CACNA1I: variants seen among roughly 807,000 people sequenced by gnomAD.
CACNA1I encodes the protein calcium voltage-gated channel subunit alpha1 I.
Under a neutral mutation model 201.6 loss-of-function variants are expected in CACNA1I, and 74 were observed. That is an observed-to-expected ratio of 0.37 (90% CI 0.30 to 0.45). The LOEUF is 0.45. Among genes scored for constraint, CACNA1I ranks in the 20% least tolerant of loss-of-function variants. The pLI is 1.00. For synonymous variants in CACNA1I, 1,431 were observed against 1,345.2 expected (o/e 1.06, Z -1.40); for missense variants, 2,346 against 3,138.1 (o/e 0.75, Z 6.03).
intron 1 of CACNA1I, among the ~76,000 whole-genome samples, chr22:39,592,801 G>T (rs1413459504): frequency 1.3e-5 from 2 of 152,220 alleles, no homozygotes; most frequent in Non-Finnish European, 2.9e-5. Flanking sequence ...ACTCATGGTG[G>T]AAGCATGAGG....
Position 39,629,271 on chromosome 22 carries a change from G to A in CACNA1I, c.581-5294G>A, listed in dbSNP as rs888976819. On this transcript the variant is annotated intron_variant, in intron 4 of 36. Transcript: ENST00000402142. This position sits in a 1 kb window ranked among gnomAD's most constrained non-coding sequence, Gnocchi z 4.8. Reference sequence around the variant, plus strand: ...TCCAGACCCCAAGATCTGGCAAAGCGACTCCATGGGGATGTACCCCGGCCA... The same window carrying A: ...TCCAGACCCCAAGATCTGGCAAAGCAACTCCATGGGGATGTACCCCGGCCA... Among the ~76,000 whole-genome samples, 10 of 152,064 alleles carry A rather than the reference G, an allele frequency of 6.6e-5. No homozygotes were observed. The highest frequency in any genetic ancestry group is 2.1e-4 in the South Asian group (1 of 4,832).
At chr22:39,628,617 C>A (rs755709660) in intron 4 of CACNA1I, among the ~76,000 whole-genome samples, 21 of 152,252 alleles carry the variant, frequency 1.4e-4, no homozygotes, top group Middle Eastern at 3.4e-3. Context: ...ACAGGCCCCT[C>A]CCTGGCTGGG....
chr22:39,577,416 A>C (rs2145800218), intron 1 of CACNA1I, among the ~76,000 whole-genome samples: 1 of 152,290 alleles, frequency 6.6e-6, no homozygotes, highest in Middle Eastern at 3.4e-3. Flanking sequence ...CACTGGTTTC[A>C]TCTGGCACTG....
At chr22:39,599,734 A>C in intron 2 of CACNA1I, among the ~76,000 whole-genome samples, 1 of 151,610 alleles carries the variant, frequency 6.6e-6, no homozygotes, top group East Asian at 1.9e-4. Context: ...GCTCCTCAGC[A>C]GCCCCGGGCC....
intron 10 of CACNA1I, among the ~76,000 whole-genome samples, chr22:39,651,614 G>A (rs1934650976): frequency 6.6e-6 from 1 of 152,166 alleles, no homozygotes; most frequent in Non-Finnish European, 1.5e-5. Context: ...GTGCTGTGGG[G>A]CTCGCTCCAG....
chr22:39,643,792 G>T (rs761925165), intron 7 of CACNA1I, among the ~76,000 whole-genome samples: 14 of 152,220 alleles, frequency 9.2e-5, no homozygotes, highest in Non-Finnish European at 1.2e-4. Context: ...AAAAGGAGAG[G>T]GGCCAGATTT....
At chr22:39,643,773 G>A (rs2146422760) in intron 7 of CACNA1I, among the ~76,000 whole-genome samples, 1 of 152,344 alleles carries the variant, frequency 6.6e-6, no homozygotes, top group Non-Finnish European at 1.5e-5. Context: ...TATAGAAGAT[G>A]CCCCAGGTAA....
intron 20 of CACNA1I, 48 bp from the exon 21 acceptor site, chr22:39,664,691 G>C (rs1342997930): frequency 1.2e-3 from 548 of 465,366 alleles, no homozygotes; most frequent in Admixed American, 6.6e-3. Flanking sequence ...CCGCCCACCT[G>C]CCCGCCCCTC....
At chr22:39,681,111 C>G in intron 34 of CACNA1I, 59 bp downstream of exon 34, 1 of 1,544,684 alleles carries the variant, frequency 6.5e-7, no homozygotes, top group Non-Finnish European at 8.7e-7. Flanking sequence ...TGGCCCCTGC[C>G]CACCCAGGCA....
chr22:39,661,968 A>G lies in CACNA1I; in HGVS notation c.2905A>G (p.Ser969Gly), dbSNP rs1935026118. The G allele has an allele frequency of 2.0e-6, 3 of 1,526,324 alleles. No individual in the cohort carries two copies. In the African/African-American group the frequency reaches 4.3e-5, roughly 22 times the overall value. The allele number at this position is 1,526,324 out of a possible 1,614,324, so 94.5% of individuals were successfully genotyped here. Residue 969 changes from serine (S) to glycine (G), a missense_variant, in exon 17 of 37, where the codon AGC (serine) becomes GGC (glycine). Around this residue, in one of 13 missense-constraint regions of CACNA1I, gnomAD observed 288 missense variants for 255.2 expected, o/e 1.13. Coordinates refer to ENST00000402142, the MANE Select transcript of CACNA1I (RefSeq NM_021096.4). ...CCCGAACGGGAACTCCTTCCAGTCC[A>G]GCTCCCGGAGCTCCTACTACGGGCC... ...RMSYDQRSLSSSRSSYYGPWG... is the reference protein window; with the variant it reads ...RMSYDQRSLSGSRSSYYGPWG...
chr22:39,581,920 C>T (rs377084101), intron 1 of CACNA1I, among the ~76,000 whole-genome samples: 2 of 152,166 alleles, frequency 1.3e-5, no homozygotes, highest in Admixed American at 1.3e-4. Context: ...ATCCTGACAC[C>T]GGTGCTTATC....
chr22:39,615,296 G>T (rs564877015), intron 3 of CACNA1I, among the ~76,000 whole-genome samples: 5 of 152,304 alleles, frequency 3.3e-5, no homozygotes, highest in African/African-American at 1.2e-4. Context: ...ACCCTTGAAG[G>T]TCTCTTTGTT....
At chr22:39,635,130 A>G (rs910283766) in intron 5 of CACNA1I, among the ~76,000 whole-genome samples, 3 of 152,000 alleles carry the variant, frequency 2.0e-5, no homozygotes, top group African/African-American at 7.2e-5. Flanking sequence ...CACCTATAGA[A>G]CCCGTGCTTC....
At chr22:39,668,494 C>T (rs1935263799) in intron 24 of CACNA1I, 113 bp downstream of exon 24, 1 of 682,726 alleles carries the variant, frequency 1.5e-6, no homozygotes, top group South Asian at 1.7e-5. Flanking sequence ...GCCCCAGTGT[C>T]TCCCCACTGT....
In CACNA1I at chr22:39,662,080, T is replaced by C. The variant is rs1935031048; in HGVS notation, c.3017T>C (p.Leu1006Pro). 2 of 1,539,656 alleles carry C rather than the reference T, an allele frequency of 1.3e-6. No homozygotes were observed. The highest frequency in any genetic ancestry group is 1.7e-6 in the Non-Finnish European group (2 of 1,147,576). ...HKPPSAEHES[L>P]LSAERGGGAR... ...CCGCCGTCGGCGGAGCATGAGTCCC[T>C]GCTCTCTGCGGAGCGCGGCGGCGGC... Residue 1006 changes from leucine (L) to proline (P), a missense_variant, in exon 17 of 37, where the codon CTG becomes CCG. Transcript: ENST00000402142.
rs1309189776 is a variant in CACNA1I, at chr22:39,665,346, G to T, written c.3852-152G>T. ...CCTGGCCACTTTCTCTGCATTCCTG[G>T]AGACTGTCCTCATGCCCCAGGGTGT... On this transcript the variant is annotated intron_variant, in intron 21 of 36. Transcript: ENST00000402142. This position sits in a 1 kb window ranked among gnomAD's most constrained non-coding sequence, Gnocchi z 5.5. Among the ~76,000 whole-genome samples, 1 of 152,070 alleles carries T rather than the reference G, an allele frequency of 6.6e-6. No individual in the cohort carries two copies. Among genetic ancestry groups the T allele is most frequent in the East Asian group, 1.9e-4 (1 of 5,178 alleles).
At position 39,672,208 on chromosome 22, in the gene CACNA1I, A is replaced by G. The variant is rs1245559492; in HGVS notation, c.4549A>G (p.Thr1517Ala). The G allele has an allele frequency of 1.2e-6, 2 of 1,611,052 alleles. No individual in the cohort carries two copies. Among genetic ancestry groups the G allele is most frequent in the Admixed American group, 3.3e-5 (2 of 60,002 alleles). The change falls in exon 27 of 37, where the codon ACA becomes GCA. Residue 1517 changes from threonine (T) to alanine (A), a missense_variant. Coordinates refer to ENST00000402142, the MANE Select transcript of CACNA1I (RefSeq NM_021096.4). ...CTTTGTTCCTCCATAGTCCCTGGAG[A>G]CAGCCCTCAAGTACTGCAACTATAT... Reference protein sequence around the residue: ...EHYNQPTSLETALKYCNYMFT... With the variant: ...EHYNQPTSLEAALKYCNYMFT...
At chr22:39,590,893 T>C (rs141756491) in intron 1 of CACNA1I, among the ~76,000 whole-genome samples, 1 of 152,356 alleles carries the variant, frequency 6.6e-6, no homozygotes, top group East Asian at 1.9e-4. Flanking sequence ...TCGCTCAGGC[T>C]GGAGTGAAGT....
chr22:39,660,731 C>T (rs1212444617), intron 15 of CACNA1I, among the ~76,000 whole-genome samples: 1 of 152,110 alleles, frequency 6.6e-6, no homozygotes, highest in Non-Finnish European at 1.5e-5. Flanking sequence ...GGTGTAGGTT[C>T]TGGTCCTGCC....
Sources: gnomAD v4.1 joint callset for allele counts (sites outside exome capture counted in the v4.1 genomes callset) on GRCh38, gnomAD v4.1.1 for gene constraint, gnomAD v4.1.1 regional missense constraint, Gnocchi (gnomAD v3.1) non-coding constraint, MANE v1.5 for transcripts, NCBI Gene and HGNC (gene_info 2026-07-23, HGNC 2026-07-21) for gene names.